Variants in FABP12 observed in about 807,000 individuals in gnomAD.
FABP12 encodes fatty acid-binding protein 12.
In FABP12, 19 loss-of-function variants were observed where a neutral mutation model predicts 13.7. That is an observed-to-expected ratio of 1.39 (90% CI 0.97 to 2.04). The LOEUF (loss-of-function observed/expected upper bound fraction) is 2.04, where lower values mean the gene tolerates loss of function less well. Among genes scored for constraint, FABP12 ranks in the 30% most tolerant of loss-of-function variants. FABP12 has a pLI of 0.00. For synonymous variants in FABP12, 61 were observed against 57.0 expected (o/e 1.07, Z -0.32); for missense variants, 182 against 164.2 (o/e 1.11, Z -0.59).
rs565501825 is a variant in FABP12, at chr8:81,579,117, C to T, written c.-185+10936G>A. 2.0e-5 allele frequency among the ~76,000 whole-genome samples: 3 copies of T among 152,182 alleles called. No individual in the cohort carries two copies. In the South Asian group the frequency reaches 6.2e-4, roughly 32 times the overall value. On this transcript the variant is annotated intron_variant, in intron 1 of 5. Coordinates refer to the FABP12 transcript ENST00000692030. Reference sequence around the variant, plus strand: ...TGCTGGAATTACAGGCGTGAGCCACCGCGCCCAGCCTCAAGTGTCTATTTT... The same window carrying T: ...TGCTGGAATTACAGGCGTGAGCCACTGCGCCCAGCCTCAAGTGTCTATTTT...
Position 81,578,959 on chromosome 8 carries a change from G to C in FABP12, c.-185+11094C>G, listed in dbSNP as rs10112286. ...TTCTCCTGCCTCAGCCTCCGGAGTA[G>C]CTGGGACTACAGGCGCCCGCCACCA... On this transcript the variant is annotated intron_variant, in intron 1 of 5. Coordinates refer to the FABP12 transcript ENST00000692030. Among the ~76,000 whole-genome samples the C allele has an allele frequency of 4.4e-3, 672 of 151,020 alleles. 8 individuals are homozygous for C. Among genetic ancestry groups the C allele is most frequent in the African/African-American group, 0.016 (642 of 41,066 alleles).
At chr8:81,546,574 A>G (rs903189066) in intron 1 of FABP12, among the ~76,000 whole-genome samples, 5 of 151,884 alleles carry the variant, frequency 3.3e-5, no homozygotes, top group Non-Finnish European at 5.9e-5. Context: ...GAGGCAGGAG[A>G]ATGGCGTCAA....
At chr8:81,566,213 T>C (rs952344418) in intron 1 of FABP12, among the ~76,000 whole-genome samples, 2 of 152,012 alleles carry the variant, frequency 1.3e-5, no homozygotes, top group African/African-American at 4.8e-5. Context: ...GACCCGATGG[T>C]GTCACTGTGA....
chr8:81,550,408 G>T (rs1370336026), intron 1 of FABP12, among the ~76,000 whole-genome samples: 1 of 152,142 alleles, frequency 6.6e-6, no homozygotes, highest in Non-Finnish European at 1.5e-5. Context: ...TCTAGAAACT[G>T]CATGGAGCAG....
At chr8:81,561,239 TA>T (rs1449785332) in intron 1 of FABP12, among the ~76,000 whole-genome samples, 1 of 152,160 alleles carries the variant, frequency 6.6e-6, no homozygotes, top group Non-Finnish European at 1.5e-5. Context: ...AATAAAATGA[TA>T]ACAGTGCATA....
chr8:81,559,749 C>A (rs1006080431), intron 1 of FABP12, among the ~76,000 whole-genome samples: 2 of 152,204 alleles, frequency 1.3e-5, no homozygotes, highest in African/African-American at 4.8e-5. Context: ...AGCCTTGCAA[C>A]ACTACTGCCC....
At position 81,583,569 on chromosome 8, in the gene FABP12, A is replaced by G. The variant is rs184476536; in HGVS notation, c.-185+6484T>C. Among the ~76,000 whole-genome samples the G allele has an allele frequency of 9.9e-4, 150 of 152,274 alleles. 2 individuals carry two copies. Among genetic ancestry groups the G allele is most frequent in the African/African-American group, 3.5e-3 (147 of 41,574 alleles). On this transcript the variant is annotated intron_variant, in intron 1 of 5. Transcript: ENST00000692030. ...ATCATAGATTATTATGAATGACTAC[A>G]CACTAAAAAACTGGAAAGACTGGGG...
At chr8:81,566,468 C>T (rs1442550840) in intron 1 of FABP12, among the ~76,000 whole-genome samples, 3 of 152,064 alleles carry the variant, frequency 2.0e-5, no homozygotes, top group Admixed American at 2.0e-4. Flanking sequence ...GATCATTCAT[C>T]ATAACCAAGT....
chr8:81,569,021 A>G (rs951561584), intron 1 of FABP12, among the ~76,000 whole-genome samples: 2 of 152,318 alleles, frequency 1.3e-5, no homozygotes, highest in East Asian at 3.9e-4. Flanking sequence ...AAATATAATT[A>G]GATAGAATGA....
intron 1 of FABP12, among the ~76,000 whole-genome samples, chr8:81,588,527 T>C (rs1400446608): frequency 6.6e-6 from 1 of 152,254 alleles, no homozygotes; most frequent in East Asian, 1.9e-4. Context: ...ACTGAATTTA[T>C]TAGTTACAAC....
intron 3 of FABP12, among the ~76,000 whole-genome samples, chr8:81,528,632 T>C (rs982312955): frequency 7.2e-5 from 11 of 152,218 alleles, no homozygotes; most frequent in Non-Finnish European, 1.0e-4. Flanking sequence ...AGCACGGGGT[T>C]CTGTGAAACA....
At position 81,538,962 on chromosome 8, in the gene FABP12, T is replaced by G. The variant is rs180958866; in HGVS notation, c.-59+656A>C. Among the ~76,000 whole-genome samples the G allele has an allele frequency of 9.6e-3, 1,463 of 152,188 alleles. 6 individuals carry two copies. Among genetic ancestry groups the G allele is most frequent in the Non-Finnish European group, 0.016 (1,108 of 68,002 alleles). On this transcript the variant is annotated intron_variant, in intron 2 of 5. Coordinates refer to the FABP12 transcript ENST00000692030. ...CTCCTGGGTTCAAGAGATTCTCATA[T>G]CTCAACCTCCCAAGTAGCTGGGATT...
chr8:81,539,692 T>C (rs2129982817), exon 2 of FABP12, among the ~76,000 whole-genome samples: 1 of 152,356 alleles, frequency 6.6e-6, no homozygotes, highest in South Asian at 2.1e-4. Context: ...TGGTGCTGTC[T>C]GCTTCTGAGC....
At chr8:81,529,833 T>C (rs1426305162) in intron 2 of FABP12, among the ~76,000 whole-genome samples, 1 of 152,174 alleles carries the variant, frequency 6.6e-6, no homozygotes, top group Non-Finnish European at 1.5e-5. Context: ...TAGACTATCT[T>C]TGCAGAAAAA....
At chr8:81,535,405 C>G (rs370915290), upstream of FABP12, among the ~76,000 whole-genome samples, 4 of 152,114 alleles carry the variant, frequency 2.6e-5, no homozygotes, top group African/African-American at 9.7e-5. Context: ...TTTTGCCTTC[C>G]CCACTATAAT....
chr8:81,582,121 T>TTC (rs1810172191), intron 1 of FABP12, among the ~76,000 whole-genome samples: 1 of 129,178 alleles, frequency 7.7e-6, no homozygotes, highest in African/African-American at 3.3e-5. Context: ...AACTGGAATT[T>TTC]TTTTTTTTTT....
intron 1 of FABP12, among the ~76,000 whole-genome samples, chr8:81,580,893 A>C (rs992556865): frequency 6.6e-6 from 1 of 152,144 alleles, no homozygotes; most frequent in African/African-American, 2.4e-5. Context: ...TAATAAATTC[A>C]ATTTTATTCT....
At chr8:81,538,747 T>C (rs542788606), upstream of FABP12, among the ~76,000 whole-genome samples, 23 of 152,300 alleles carry the variant, frequency 1.5e-4, no homozygotes, top group South Asian at 1.5e-3. Context: ...TCTAAGTTTG[T>C]GGCAATTTGT....
chr8:81,534,458 A>T (rs1224179809), upstream of FABP12, among the ~76,000 whole-genome samples: 4 of 152,172 alleles, frequency 2.6e-5, no homozygotes, highest in Admixed American at 6.5e-5. Flanking sequence ...TGGACCCCTA[A>T]AAACTTTACT....
Sources: gnomAD v4.1 joint callset for allele counts (sites outside exome capture counted in the v4.1 genomes callset) on GRCh38, gnomAD v4.1.1 for gene constraint, MANE v1.5 for transcripts, NCBI Gene and HGNC (gene_info 2026-07-23, HGNC 2026-07-21) for gene names.